Variants in TASOR2 observed in about 807,000 individuals in gnomAD.
TASOR2 encodes the protein protein TASOR 2.
Under a neutral mutation model 199.5 loss-of-function variants are expected in TASOR2, and 84 were observed. The ratio of observed to expected loss-of-function variants is 0.42; its 90% CI spans 0.35 to 0.50. TASOR2 has a LOEUF of 0.50. TASOR2 is among the 20% of genes least tolerant of loss of function. TASOR2 has a pLI of 0.02. For synonymous variants in TASOR2, 1,103 were observed against 1,046.6 expected (o/e 1.05, Z -1.04); for missense variants, 2,796 against 2,835.9 (o/e 0.99, Z 0.32).
chr10:5,748,651 C>G lies in TASOR2; in HGVS notation c.5230C>G (p.Leu1744Val). 1 of 1,614,222 alleles carries G rather than the reference C, an allele frequency of 6.2e-7. No homozygotes were observed. The change falls in exon 15 of 21, where the codon CTA (leucine) becomes GTA (valine). Residue 1744 changes from leucine (L) to valine (V), a missense_variant. Around this residue, in one of 3 missense-constraint regions of TASOR2, gnomAD observed 1,941 missense variants for 1,924.9 expected, o/e 1.01. Transcript: ENST00000328090. The surrounding 1 kb of genome is among the most constrained non-coding windows in gnomAD (Gnocchi z 5.1). ...TGTGTCAACATGTGAAACAAAGGAG[C>G]TATTGAATGTCGGGGTTTCCTCCCT...
rs768892508 is a variant in TASOR2, at chr10:5,763,012, A to G, written c.7290-17A>G. 3.1e-6 allele frequency: 5 copies of G among 1,610,562 alleles called. No homozygotes were observed. The highest frequency in any genetic ancestry group is 2.2e-5 in the East Asian group (1 of 44,800). On this transcript the variant is annotated splice_polypyrimidine_tract_variant and intron_variant, in intron 20 of 20. Transcript: ENST00000328090. ...TATTATTTTAAGAAGTTCTTTATCA[A>G]TTTTGTGTTTCTTCAGGTGACTCAA...
intron 1 of TASOR2, among the ~76,000 whole-genome samples, chr10:5,696,392 T>C (rs140634705): frequency 5.3e-5 from 8 of 152,350 alleles, no homozygotes; most frequent in African/African-American, 1.9e-4. Flanking sequence ...GGCCTCACTC[T>C]GTCACCCAGA....
rs530380239 is a variant in TASOR2 at position 5,748,869 on chromosome 10, C to T, written c.5448C>T (p.Val1816=). 37 of 1,614,092 alleles carry T rather than the reference C, an allele frequency of 2.3e-5. No homozygotes were observed. In the East Asian group the frequency reaches 4.9e-4, roughly 21 times the overall value. The change falls in exon 15 of 21, where the codon GTC becomes GTT. Residue 1816 remains valine (V), a synonymous_variant. Transcript: ENST00000328090. The surrounding 1 kb of genome is among the most constrained non-coding windows in gnomAD (Gnocchi z 5.1). ...AAACCCTAGGCAGAGATGGAGAGGT[C>T]GGTGTGAATTCCGACATGCACTATG...
intron 1 of TASOR2, chr10:5,709,577 G>GTA (rs1831654030): frequency 8.1e-7 from 1 of 1,230,670 alleles, no homozygotes; most frequent in African/African-American, 1.6e-5. Context: ...AATTCTGAGG[G>GTA]TATACTTGGT....
In TASOR2 at chr10:5,701,789, C is replaced by T. The variant is rs575437297; in HGVS notation, c.-287-11034C>T. Among the ~76,000 whole-genome samples, 2 of 152,162 alleles carry T rather than the reference C, an allele frequency of 1.3e-5. No homozygotes were observed. The highest frequency in any genetic ancestry group is 4.8e-5 in the African/African-American group (2 of 41,508). On this transcript the variant is annotated intron_variant, in intron 1 of 20. Transcript: ENST00000328090. This position sits in a 1 kb window ranked among gnomAD's most constrained non-coding sequence, Gnocchi z 4.9. ...TGCAGTTGGTGTATACCAACGCTACCGATTTTTGTATGTTGATTTTGTATC... is the reference window on the plus strand; with the variant it reads ...TGCAGTTGGTGTATACCAACGCTACTGATTTTTGTATGTTGATTTTGTATC...
chr10:5,735,858 C>G (rs1486016267), intron 12 of TASOR2, among the ~76,000 whole-genome samples: 1 of 152,168 alleles, frequency 6.6e-6, no homozygotes, highest in East Asian at 1.9e-4. Flanking sequence ...CAAGTAGTAT[C>G]TGGCATTATT....
chr10:5,745,943 C>G (rs867512194), intron 14 of TASOR2, among the ~76,000 whole-genome samples: 11 of 152,096 alleles, frequency 7.2e-5, no homozygotes, highest in African/African-American at 2.7e-4. Flanking sequence ...TTGGAGCTCT[C>G]TTCTGTGTGT....
Position 5,749,480 on chromosome 10 carries a change from C to T in TASOR2, c.6059C>T (p.Ser2020Leu), listed in dbSNP as rs774545747. 10 of 1,614,110 alleles carry T rather than the reference C, an allele frequency of 6.2e-6. No homozygotes were observed. Among genetic ancestry groups the T allele is most frequent in the East Asian group, 4.5e-5 (2 of 44,890 alleles). Residue 2020 changes from serine to leucine, a missense_variant, in exon 15 of 21, where the codon TCG becomes TTG. Physicochemically the swap from Ser to Leu is moderately radical, Grantham distance 145. This residue lies in a region of TASOR2 where 1,941 missense variants were observed against 1,924.9 expected (regional missense o/e 1.01). Transcript: ENST00000328090. ...CAGATCTCCATTGGTGCTTTCCCTT[C>T]GACAAAAATCTCTGAGGCCCCATTT... is the stretch of plus-strand genomic sequence containing the variant.
intron 1 of TASOR2, among the ~76,000 whole-genome samples, chr10:5,707,969 TA>T (rs1303546862): frequency 6.6e-6 from 1 of 152,148 alleles, no homozygotes; most frequent in African/African-American, 2.4e-5. Flanking sequence ...AATTTTCCCC[TA>T]CATAAACAAC....
rs1838123467 is a variant in TASOR2, at chr10:5,752,061, C to CCGAAACTCCCTGACCTGAG, written c.6606+2037_6606+2055dup. ...TCACTGAGGCACTAATCCTGACCTCCCGAAACTCCCTGACCTGAGCGCGGG... is the reference window on the plus strand; with the variant it reads ...TCACTGAGGCACTAATCCTGACCTCCCGAAACTCCCTGACCTGAGCGAAACTCCCTGACCTGAGCGCGGG... On this transcript the variant is annotated intron_variant, in intron 15 of 20. Transcript: ENST00000328090. The surrounding 1 kb of genome is among the most constrained non-coding windows in gnomAD (Gnocchi z 4.4). 6.6e-6 allele frequency among the ~76,000 whole-genome samples: 1 copy of CCGAAACTCCCTGACCTGAG among 152,062 alleles called. No homozygotes were observed. The highest frequency in any genetic ancestry group is 1.5e-5 in the Non-Finnish European group (1 of 68,016).
chr10:5,708,501 A>C (rs1310025751), intron 1 of TASOR2, among the ~76,000 whole-genome samples: 2 of 151,934 alleles, frequency 1.3e-5, no homozygotes, highest in Non-Finnish European at 2.9e-5. Flanking sequence ...TTCCTTGTCT[A>C]TTCTGAGCTA....
At position 5,701,628 on chromosome 10, in the gene TASOR2, A is replaced by G. The variant is rs970996281; in HGVS notation, c.-287-11195A>G. Among the ~76,000 whole-genome samples the G allele has an allele frequency of 2.6e-5, 4 of 151,778 alleles. No individual in the cohort carries two copies. The highest frequency in any genetic ancestry group is 1.9e-4 in the East Asian group (1 of 5,178). On this transcript the variant is annotated intron_variant, in intron 1 of 20. Transcript: ENST00000328090. This position sits in a 1 kb window ranked among gnomAD's most constrained non-coding sequence, Gnocchi z 4.9. ...TTTCTATTTTTTAATGTCCACTTCA[A>G]TTTCTTTCATCATTGTTTTATAGTT... is the stretch of plus-strand genomic sequence containing the variant.
rs1479248783 is a variant in TASOR2, at chr10:5,759,012, A to G, written c.6992+20A>G. 6.4e-7 allele frequency: 1 copy of G among 1,564,066 alleles called. No homozygotes were observed. The highest frequency in any genetic ancestry group is 1.4e-5 in the African/African-American group (1 of 74,028). ...TGAAAGGTAAGGACTTGCTGTGTGT[A>G]TGGTTCCTCCTGCCCTGCTGGGGTA... On this transcript the variant is annotated intron_variant, in intron 18 of 20. Coordinates refer to ENST00000328090, the Ensembl canonical transcript of TASOR2.
rs1838677436 is a variant in TASOR2 at position 5,754,933 on chromosome 10, C to A, written c.6607-1680C>A. ...TGGTGGCGGGTGCCTGTAGTCCCAG[C>A]TACTCGGGAGGCTGAGGCAGGAGAA... On this transcript the variant is annotated intron_variant, in intron 15 of 20. Coordinates refer to ENST00000328090, the Ensembl canonical transcript of TASOR2. This position sits in a 1 kb window ranked among gnomAD's most constrained non-coding sequence, Gnocchi z 4.3. Among the ~76,000 whole-genome samples the A allele has an allele frequency of 6.6e-6, 1 of 150,738 alleles. No individual in the cohort carries two copies. The highest frequency in any genetic ancestry group is 6.6e-5 in the Admixed American group (1 of 15,086).
intron 10 of TASOR2, among the ~76,000 whole-genome samples, chr10:5,729,380 A>C (rs7907687): frequency 0.85 from 129,033 of 151,906 alleles, 54,876 homozygotes; most frequent in African/African-American, 0.88. Flanking sequence ...AAAAGACCAG[A>C]GCAATAACTT....
At chr10:5,725,232 T>C (rs914905131) in intron 8 of TASOR2, among the ~76,000 whole-genome samples, 10 of 151,646 alleles carry the variant, frequency 6.6e-5, no homozygotes, top group African/African-American at 2.4e-4. Context: ...ACCCTGTCTG[T>C]ACTAAAAAAT....
intron 16 of TASOR2, among the ~76,000 whole-genome samples, chr10:5,757,056 T>G (rs1839062999): frequency 6.6e-6 from 1 of 152,262 alleles, no homozygotes; most frequent in Admixed American, 6.5e-5. Context: ...GGAAATTTTC[T>G]GAACCATTAT....
At chr10:5,712,228 T>C (rs1832015955) in intron 1 of TASOR2, 1 of 417,612 alleles carries the variant, frequency 2.4e-6, no homozygotes, top group Admixed American at 4.5e-5. Context: ...ATTTAGGTTA[T>C]TTTCTTTACA....
chr10:5,753,816 C>G (rs1838440781), intron 15 of TASOR2, among the ~76,000 whole-genome samples: 1 of 152,180 alleles, frequency 6.6e-6, no homozygotes, highest in African/African-American at 2.4e-5. Context: ...AGGCCCTCAG[C>G]CTCCAAAAGC....
Sources: allele counts gnomAD v4.1 joint callset (sites outside exome capture counted in the v4.1 genomes callset), GRCh38; gene constraint gnomAD v4.1.1; regional missense constraint gnomAD v4.1.1; non-coding constraint Gnocchi (gnomAD v3.1); transcripts MANE v1.5; gene names NCBI Gene and HGNC (gene_info 2026-07-23, HGNC 2026-07-21).